Variants in SRC observed in about 807,000 individuals in gnomAD.
SRC encodes SRC proto-oncogene, non-receptor tyrosine kinase, also known as proto-oncogene tyrosine-protein kinase Src.
A neutral mutation model predicts 62.9 loss-of-function variants in SRC; 13 were observed. That is an observed-to-expected ratio of 0.21 (90% CI 0.13 to 0.33). The LOEUF (loss-of-function observed/expected upper bound fraction) is 0.33, where lower values mean the gene tolerates loss of function less well. Ranked by LOEUF, SRC falls within the 10% of genes least tolerant of loss-of-function variation. The probability of loss-of-function intolerance (pLI) is 1.00; values close to 1 mark genes in which losing one functional copy is unlikely to be tolerated. For missense variants in SRC, 457 were observed against 737.3 expected, an observed-to-expected ratio of 0.62 and a Z score of 4.40; for synonymous variants, 302 against 317.5, an observed-to-expected ratio of 0.95 and a Z score of 0.52.
rs1173449986 is a variant in SRC at position 37,405,681 on chromosome 20, C to G, written c.*2302C>G. The G allele has an allele frequency of 6.4e-6, 1 of 157,018 alleles. No homozygotes were observed. The highest frequency in any genetic ancestry group is 1.4e-5 in the Non-Finnish European group (1 of 70,832). 9.7% of individuals were successfully genotyped at this position (157,018 alleles called of 1,614,324 possible). Reference sequence around the variant, plus strand: ...TTCCCTGAGCATGACAAGTTCAGGACTCAAATGTCCGTGGTGGATGGTAGC... The same window carrying G: ...TTCCCTGAGCATGACAAGTTCAGGAGTCAAATGTCCGTGGTGGATGGTAGC... On this transcript the variant is annotated 3_prime_UTR_variant, in exon 14 of 14. Coordinates refer to ENST00000373578, the MANE Select transcript of SRC (RefSeq NM_198291.3).
At position 37,404,464 on chromosome 20, in the gene SRC, C is replaced by G. The variant is rs138912805; in HGVS notation, c.*1085C>G. On this transcript the variant is annotated 3_prime_UTR_variant, in exon 14 of 14. Transcript: ENST00000373578. ...GCCAAGAGTCCAGGAGGCCCTGGTC[C>G]TGGCCTCCTTCCCCGTACTTTGTCC... 762 of 233,706 alleles carry G rather than the reference C, an allele frequency of 3.3e-3. 7 individuals carry two copies. Among genetic ancestry groups the G allele is most frequent in the African/African-American group, 0.016 (723 of 45,480 alleles). 14.5% of individuals were successfully genotyped at this position (233,706 alleles called of 1,614,324 possible). A position where few individuals can be genotyped will look rare whatever the true frequency, so the allele number is the denominator to read the frequency against.
chr20:37,357,019 G>C lies in SRC; in HGVS notation c.-246-8185G>C, dbSNP rs112317279. ...GAAGAGCTGTGCCAGCACTCTGCCC[G>C]CCTCGTGGGTCTGTGTCTAGAGCTG... On this transcript the variant is annotated intron_variant, in intron 1 of 13. Transcript: ENST00000373578. Among the ~76,000 whole-genome samples, 19 of 152,314 alleles carry C rather than the reference G, an allele frequency of 1.2e-4. No homozygotes were observed. In the South Asian group the frequency reaches 3.9e-3, roughly 32 times the overall value.
rs1568644388 is a variant in SRC, at chr20:37,398,618, G to T, written c.859+764G>T. On this transcript the variant is annotated intron_variant, in intron 9 of 13. Transcript: ENST00000373578. This position sits in a 1 kb window ranked among gnomAD's most constrained non-coding sequence, Gnocchi z 5.2. The stretch of plus-strand genomic sequence containing the variant: ...GGTGGAAGGCACTGCAGGGACAGAG[G>T]CCTGGAGGCTGGAGGTCAGGCTGTC... Among the ~76,000 whole-genome samples, 2 of 152,250 alleles carry T rather than the reference G, an allele frequency of 1.3e-5. No individual in the cohort carries two copies. The highest frequency in any genetic ancestry group is 3.8e-4 in the East Asian group (2 of 5,196).
At chr20:37,373,265 T>TAC (rs1281670800) in intron 2 of SRC, among the ~76,000 whole-genome samples, 1 of 94,992 alleles carries the variant, frequency 1.1e-5, no homozygotes, top group Non-Finnish European at 2.1e-5. Context: ...CACATGTACA[T>TAC]ACGCACACAC....
chr20:37,404,433 A>G lies in SRC; in HGVS notation c.*1054A>G. On this transcript the variant is annotated 3_prime_UTR_variant, in exon 14 of 14. Transcript: ENST00000373578. ...GCTCTGGAGGCAATCAAGCAGACATAGAAGAGCCAAGAGTCCAGGAGGCCC... is the reference window on the plus strand; with the variant it reads ...GCTCTGGAGGCAATCAAGCAGACATGGAAGAGCCAAGAGTCCAGGAGGCCC... The G allele has an allele frequency of 4.3e-6, 1 of 233,704 alleles. No individual in the cohort carries two copies. The allele number at this position is 233,704 out of a possible 1,614,324, so 14.5% of individuals were successfully genotyped here.
chr20:37,392,616 A>G (rs1353243755), intron 5 of SRC, among the ~76,000 whole-genome samples: 1 of 152,152 alleles, frequency 6.6e-6, no homozygotes, highest in Non-Finnish European at 1.5e-5. Flanking sequence ...GGGTGCTCCT[A>G]TCTGGGAGTC....
intron 10 of SRC, among the ~76,000 whole-genome samples, chr20:37,400,515 A>G (rs781287828): frequency 6.6e-6 from 1 of 152,064 alleles, no homozygotes; most frequent in Non-Finnish European, 1.5e-5. Context: ...CCACCCAAGT[A>G]GCTGGGACCA....
chr20:37,377,656 C>T (rs1029151459), intron 2 of SRC, among the ~76,000 whole-genome samples: 3 of 152,188 alleles, frequency 2.0e-5, no homozygotes, highest in African/African-American at 7.2e-5. Flanking sequence ...CATGTGGACC[C>T]AGGTGATGGC....
intron 5 of SRC, among the ~76,000 whole-genome samples, chr20:37,391,327 T>A (rs1039271121): frequency 2.0e-5 from 3 of 152,184 alleles, no homozygotes; most frequent in African/African-American, 7.2e-5. Flanking sequence ...GAGGCCCTAC[T>A]GTGCCTGGCT....
intron 10 of SRC, 151 bp from the exon 11 acceptor site, chr20:37,401,451 C>T (rs760312054): frequency 8.6e-6 from 5 of 578,972 alleles, no homozygotes; most frequent in Non-Finnish European, 1.5e-5. Flanking sequence ...GTGACAAGCA[C>T]TGAGTGAGAC....
chr20:37,397,895 CCA>C lies in SRC; in HGVS notation c.859+43_859+44del. On this transcript the variant is annotated intron_variant, in intron 9 of 13. Coordinates refer to ENST00000373578, the MANE Select transcript of SRC (RefSeq NM_198291.3). The surrounding 1 kb of genome is among the most constrained non-coding windows in gnomAD (Gnocchi z 4.1). ...TGCCCTCGGGAGAGGCATCCACCCC[CCA>C]CCCCGTGTGGCAGCTCCGGGCTCCC... 1 of 1,577,816 alleles carries C rather than the reference CCA, an allele frequency of 6.3e-7. No homozygotes were observed. The highest frequency in any genetic ancestry group is 1.1e-5 in the South Asian group (1 of 87,082).
intron 2 of SRC, among the ~76,000 whole-genome samples, chr20:37,373,276 A>ATG (rs2070211600): frequency 1.3e-5 from 2 of 151,106 alleles, no homozygotes; most frequent in African/African-American, 4.8e-5. Flanking sequence ...ACGCACACAC[A>ATG]CACACACATA....
At chr20:37,382,072 C>T (rs744285) in intron 2 of SRC, among the ~76,000 whole-genome samples, 8,056 of 152,224 alleles carry the variant, frequency 0.053, 513 homozygotes, top group East Asian at 0.18. Flanking sequence ...CAGCCTTGCC[C>T]GAGGACCCAG....
At chr20:37,375,752 G>A (rs541726102) in intron 2 of SRC, among the ~76,000 whole-genome samples, 1 of 152,164 alleles carries the variant, frequency 6.6e-6, no homozygotes, top group African/African-American at 2.4e-5. Flanking sequence ...AGTTCATTCA[G>A]GCTGCTGTAA....
chr20:37,393,643 G>A, intron 5 of SRC: 1 of 466,932 alleles, frequency 2.1e-6, no homozygotes. Flanking sequence ...GATGACCAAG[G>A]CCAGTCCTGC....
chr20:37,353,540 C>T (rs933918296), intron 1 of SRC, among the ~76,000 whole-genome samples: 1 of 152,160 alleles, frequency 6.6e-6, no homozygotes, highest in Non-Finnish European at 1.5e-5. Context: ...CCTTGCGGTC[C>T]CTTCAGCCAG....
intron 1 of SRC, among the ~76,000 whole-genome samples, chr20:37,356,612 G>A (rs1379292186): frequency 1.3e-5 from 2 of 152,158 alleles, no homozygotes; most frequent in Admixed American, 6.5e-5. Context: ...TGGTGGAGAC[G>A]TGTTGCAGCC....
At chr20:37,364,922 G>A (rs1210427782) in intron 1 of SRC, among the ~76,000 whole-genome samples, 1 of 152,116 alleles carries the variant, frequency 6.6e-6, no homozygotes, top group African/African-American at 2.4e-5. Flanking sequence ...GGAAATCCTT[G>A]TCCTCGAAGC....
intron 2 of SRC, among the ~76,000 whole-genome samples, chr20:37,376,167 C>A (rs1454428489): frequency 2.0e-5 from 3 of 152,162 alleles, no homozygotes; most frequent in Non-Finnish European, 4.4e-5. Context: ...GGCCTTGGCT[C>A]CTAATCAACT....
Sources: gnomAD v4.1 joint callset for allele counts (sites outside exome capture counted in the v4.1 genomes callset) on GRCh38, gnomAD v4.1.1 for gene constraint, Gnocchi (gnomAD v3.1) non-coding constraint, MANE v1.5 for transcripts, NCBI Gene and HGNC (gene_info 2026-07-23, HGNC 2026-07-21) for gene names.